Variants in VTI1A observed in about 807,000 individuals in gnomAD.
VTI1A encodes the protein vesicle transport through interaction with t-SNAREs 1A.
A neutral mutation model predicts 34.9 loss-of-function variants in VTI1A; 22 were observed. The ratio of observed to expected loss-of-function variants is 0.63; its 90% CI spans 0.45 to 0.90. The LOEUF (loss-of-function observed/expected upper bound fraction) is 0.90. VTI1A is among the 40% of genes least tolerant of loss of function. VTI1A has a pLI of 0.00. For synonymous variants in VTI1A, 87 were observed against 97.3 expected (o/e 0.89, Z 0.62); for missense variants, 268 against 275.6 (o/e 0.97, Z 0.20).
Position 112,815,544 on chromosome 10 carries a change from T to C in VTI1A, c.*161T>C. Reference sequence around the variant, plus strand: ...GTGCAAAGAGTGTAAAAATATTTTCTATTCCTGTTTGCATGTGGGTTGGTT... The same window carrying C: ...GTGCAAAGAGTGTAAAAATATTTTCCATTCCTGTTTGCATGTGGGTTGGTT... On this transcript the variant is annotated 3_prime_UTR_variant, in exon 8 of 8. Coordinates refer to ENST00000393077, the MANE Select transcript of VTI1A (RefSeq NM_145206.4). The C allele has an allele frequency of 1.6e-6, 1 of 621,912 alleles. No individual in the cohort carries two copies. The highest frequency in any genetic ancestry group is 2.8e-5 in the Admixed American group (1 of 35,472). The allele number at this position is 621,912 out of a possible 1,614,324, so 38.5% of individuals were successfully genotyped here. A position where few individuals can be genotyped will look rare whatever the true frequency, so the allele number is the denominator to read the frequency against.
chr10:112,694,005 G>A (rs1450918286), intron 7 of VTI1A, among the ~76,000 whole-genome samples: 4 of 152,110 alleles, frequency 2.6e-5, no homozygotes, highest in African/African-American at 7.2e-5. Flanking sequence ...TCAGGAGTTC[G>A]AGACCAGCCT....
chr10:112,682,703 C>T (rs1848258383), intron 7 of VTI1A, among the ~76,000 whole-genome samples: 1 of 152,240 alleles, frequency 6.6e-6, no homozygotes, highest in African/African-American at 2.4e-5. Flanking sequence ...TGAACATTAG[C>T]TGCTGTTAGC....
chr10:112,622,247 G>A (rs750126886), intron 5 of VTI1A, among the ~76,000 whole-genome samples: 16 of 152,124 alleles, frequency 1.1e-4, no homozygotes, highest in Admixed American at 1.0e-3. Flanking sequence ...GCCCCTGAAA[G>A]GGGTGTCAGA....
chr10:112,547,765 C>G (rs938560766), intron 5 of VTI1A, among the ~76,000 whole-genome samples: 2 of 151,862 alleles, frequency 1.3e-5, no homozygotes, highest in Non-Finnish European at 2.9e-5. Flanking sequence ...AGTATTTTTT[C>G]TTTTAGAAAA....
At chr10:112,668,339 A>C (rs761811550) in intron 6 of VTI1A, 51 bp downstream of exon 6, 7 of 1,569,738 alleles carry the variant, frequency 4.5e-6, no homozygotes, top group Non-Finnish European at 5.2e-6. Context: ...TGAAGACATA[A>C]ATGAAAGGCA....
intron 7 of VTI1A, among the ~76,000 whole-genome samples, chr10:112,800,421 G>T (rs535482808): frequency 6.6e-6 from 1 of 152,260 alleles, no homozygotes; most frequent in African/African-American, 2.4e-5. Context: ...GAGGCTGCCT[G>T]CATGTGGGGG....
At chr10:112,703,338 C>T (rs1457366654) in intron 7 of VTI1A, among the ~76,000 whole-genome samples, 2 of 152,066 alleles carry the variant, frequency 1.3e-5, no homozygotes, top group African/African-American at 4.8e-5. Context: ...GAGGCCAAGG[C>T]GGGCGGATCA....
intron 7 of VTI1A, chr10:112,752,363 T>C (rs1851133777): frequency 1.0e-6 from 1 of 985,302 alleles, no homozygotes; most frequent in African/African-American, 1.7e-5. Flanking sequence ...GTTTGTGCTA[T>C]TCTGATTACA....
chr10:112,594,112 T>C (rs1299534854), intron 5 of VTI1A, among the ~76,000 whole-genome samples: 2 of 152,092 alleles, frequency 1.3e-5, no homozygotes, highest in Non-Finnish European at 2.9e-5. Context: ...GGGGTTTCAC[T>C]GTGTTAGCCA....
chr10:112,518,716 C>T (rs1228111812), intron 3 of VTI1A, among the ~76,000 whole-genome samples: 1 of 150,538 alleles, frequency 6.6e-6, no homozygotes, highest in African/African-American at 2.4e-5. Flanking sequence ...CTGGGATACA[C>T]TTAAAAGTGT....
chr10:112,569,161 A>T (rs1564830737), intron 5 of VTI1A, among the ~76,000 whole-genome samples: 2 of 152,080 alleles, frequency 1.3e-5, no homozygotes, highest in Non-Finnish European at 2.9e-5. Context: ...CTCAAAAAAA[A>T]AAAAGCTATG....
At chr10:112,569,879 G>A (rs1852054528) in intron 5 of VTI1A, among the ~76,000 whole-genome samples, 1 of 152,194 alleles carries the variant, frequency 6.6e-6, no homozygotes, top group Admixed American at 6.5e-5. Flanking sequence ...TTGCTTTCAT[G>A]TATGAAGCTA....
chr10:112,582,470 ATTGTGGAACCATCTCTGGTCATC>A (rs1176444485), intron 5 of VTI1A, among the ~76,000 whole-genome samples: 1 of 152,136 alleles, frequency 6.6e-6, no homozygotes, highest in Non-Finnish European at 1.5e-5. Context: ...AAGTATGGAA[ATTGTGGAACCATCTCTGGTCATC>A]TTGCTTGTGA....
rs141392472 is a variant in VTI1A, at chr10:112,767,363, A to G, written c.561-47927A>G. Reference sequence around the variant, plus strand: ...TCTGACCTCAGAGCCCATACTCTTAATCATTTGTTTATTTTGCTTCCCCAA... The same window carrying G: ...TCTGACCTCAGAGCCCATACTCTTAGTCATTTGTTTATTTTGCTTCCCCAA... On this transcript the variant is annotated intron_variant, in intron 7 of 7. Coordinates refer to ENST00000393077, the MANE Select transcript of VTI1A (RefSeq NM_145206.4). This position sits in a 1 kb window ranked among gnomAD's most constrained non-coding sequence, Gnocchi z 4.0. Among the ~76,000 whole-genome samples, 1 of 152,286 alleles carries G rather than the reference A, an allele frequency of 6.6e-6. No individual in the cohort carries two copies. The highest frequency in any genetic ancestry group is 1.9e-4 in the East Asian group (1 of 5,190).
intron 5 of VTI1A, among the ~76,000 whole-genome samples, chr10:112,645,108 A>G (rs757962775): frequency 1.3e-5 from 2 of 152,210 alleles, no homozygotes; most frequent in African/African-American, 2.4e-5. Flanking sequence ...GTAGCTCACT[A>G]TAGTCATCCA....
rs189138621 is a variant in VTI1A at position 112,673,110 on chromosome 10, A to G, written c.560+4112A>G. Among the ~76,000 whole-genome samples the G allele has an allele frequency of 5.3e-5, 8 of 152,292 alleles. No homozygotes were observed. In the East Asian group the frequency reaches 1.5e-3, roughly 29 times the overall value. ...GGCAGGCAGATCACTTGATGCCAGGAGTTCGAAACCAGCCTGGCCAACATG... is the reference window on the plus strand; with the variant it reads ...GGCAGGCAGATCACTTGATGCCAGGGGTTCGAAACCAGCCTGGCCAACATG... On this transcript the variant is annotated intron_variant, in intron 7 of 7. Transcript: ENST00000393077.
intron 7 of VTI1A, among the ~76,000 whole-genome samples, chr10:112,811,712 A>AAAATAT: frequency 1.2e-5 from 1 of 84,046 alleles, no homozygotes; most frequent in South Asian, 4.0e-4. Flanking sequence ...AAAAAAAAAA[A>AAAATAT]GAGTGCAGTC....
intron 5 of VTI1A, among the ~76,000 whole-genome samples, chr10:112,590,006 T>C (rs1003369252): frequency 1.1e-4 from 17 of 152,212 alleles, no homozygotes; most frequent in African/African-American, 3.9e-4. Flanking sequence ...CAAACCTTAA[T>C]GTTAGGGTGC....
chr10:112,816,858 G>T lies in VTI1A; in HGVS notation c.*1475G>T. 2 of 229,926 alleles carry T rather than the reference G, an allele frequency of 8.7e-6. No homozygotes were observed. Among genetic ancestry groups the T allele is most frequent in the Non-Finnish European group, 1.7e-5 (2 of 115,932 alleles). 14.2% of individuals were successfully genotyped at this position (229,926 alleles called of 1,614,324 possible). A position where few individuals can be genotyped will look rare whatever the true frequency, so the allele number is the denominator to read the frequency against. ...AACCATTATGGTTTAGAGAGGAAAT[G>T]CAGAATGGCAGAATCCACCAGAGAA... On this transcript the variant is annotated 3_prime_UTR_variant, in exon 8 of 8. Transcript: ENST00000393077.
Sources: gnomAD v4.1 joint callset for allele counts (sites outside exome capture counted in the v4.1 genomes callset) on GRCh38, gnomAD v4.1.1 for gene constraint, Gnocchi (gnomAD v3.1) non-coding constraint, MANE v1.5 for transcripts, NCBI Gene and HGNC (gene_info 2026-07-23, HGNC 2026-07-21) for gene names.